EYS: variants seen among roughly 807,000 people sequenced by gnomAD.
EYS encodes EGF-like photoreceptor maintenance factor, also known as protein eyes shut homolog.
In EYS, 250 loss-of-function variants were observed where a neutral mutation model predicts 282.1. The observed-to-expected ratio is 0.89, with a 90% confidence interval of 0.80 to 0.98. EYS has a LOEUF of 0.98. Ranked by LOEUF, EYS falls within the 50% of genes least tolerant of loss-of-function variation. The probability of loss-of-function intolerance (pLI) is 0.00; values close to 1 mark genes in which losing one functional copy is unlikely to be tolerated. For synonymous variants in EYS, 1,355 were observed against 1,282.9 expected, an observed-to-expected ratio of 1.06 and a Z score of -1.20; for missense variants, 4,016 against 3,709.0, an observed-to-expected ratio of 1.08 and a Z score of -2.15.
intron 35 of EYS, among the ~76,000 whole-genome samples, chr6:63,934,241 C>A (rs1245751514): frequency 6.6e-6 from 1 of 152,154 alleles, no homozygotes; most frequent in Non-Finnish European, 1.5e-5. Context: ...ATTAAAAAAT[C>A]AGGAAACAAC....
chr6:64,612,695 A>C (rs1362960062), intron 24 of EYS, among the ~76,000 whole-genome samples: 1 of 152,076 alleles, frequency 6.6e-6, no homozygotes, highest in Non-Finnish European at 1.5e-5. Context: ...AAAGAAAAAA[A>C]CAGCTTCCCA....
intron 23 of EYS, among the ~76,000 whole-genome samples, chr6:64,621,237 T>A (rs1767438118): frequency 6.6e-6 from 1 of 152,196 alleles, no homozygotes; most frequent in Admixed American, 6.6e-5. Context: ...TTCTATAACA[T>A]AAGTTATAAT....
At chr6:64,364,141 A>T (rs1304752093) in intron 29 of EYS, among the ~76,000 whole-genome samples, 1 of 151,768 alleles carries the variant, frequency 6.6e-6, no homozygotes, top group Non-Finnish European at 1.5e-5. Context: ...TCCTTTACCA[A>T]ATTTCTGGCC....
At chr6:65,226,655 C>A (rs1766633660) in intron 12 of EYS, among the ~76,000 whole-genome samples, 1 of 152,088 alleles carries the variant, frequency 6.6e-6, no homozygotes, top group South Asian at 2.1e-4. Context: ...AACATTATGA[C>A]CTTCATATAT....
intron 12 of EYS, among the ~76,000 whole-genome samples, chr6:65,081,006 C>T (rs1410290487): frequency 2.0e-5 from 3 of 152,052 alleles, no homozygotes; most frequent in Non-Finnish European, 2.9e-5. Flanking sequence ...TAGAAATGCT[C>T]TTACTCAAAC....
intron 12 of EYS, among the ~76,000 whole-genome samples, chr6:65,065,834 A>G (rs1773728576): frequency 6.6e-6 from 1 of 152,174 alleles, no homozygotes; most frequent in Non-Finnish European, 1.5e-5. Flanking sequence ...AATGTGTCAC[A>G]TGTATTTGTT....
chr6:65,046,486 C>T (rs954110793), intron 13 of EYS, among the ~76,000 whole-genome samples: 56 of 151,506 alleles, frequency 3.7e-4, no homozygotes, highest in Non-Finnish European at 6.9e-4. Context: ...TTTTTTCTTC[C>T]AACTTGAGGA....
At chr6:64,569,026 G>GAA (rs4034162) in intron 26 of EYS, among the ~76,000 whole-genome samples, 51,927 of 101,982 alleles carry the variant, frequency 0.51, 12,863 homozygotes, top group Admixed American at 0.58. Flanking sequence ...AGATGGAAAA[G>GAA]AAAAAAAAAA....
At chr6:64,473,385 T>C (rs1288997666) in intron 26 of EYS, among the ~76,000 whole-genome samples, 1 of 152,158 alleles carries the variant, frequency 6.6e-6, no homozygotes, top group East Asian at 1.9e-4. Context: ...GTAAATACTT[T>C]AACATGAATA....
intron 12 of EYS, among the ~76,000 whole-genome samples, chr6:65,261,505 C>T (rs1767619599): frequency 6.6e-6 from 1 of 151,978 alleles, no homozygotes. Context: ...CAATAGTAAA[C>T]TCAATTATGG....
intron 2 of EYS, among the ~76,000 whole-genome samples, chr6:65,566,827 C>A (rs1769297768): frequency 6.6e-6 from 1 of 151,986 alleles, no homozygotes; most frequent in Admixed American, 6.6e-5. Flanking sequence ...AAATCATATC[C>A]AAAGAGTTAG....
chr6:64,322,484 C>T (rs553300777), intron 29 of EYS, among the ~76,000 whole-genome samples: 1 of 152,054 alleles, frequency 6.6e-6, no homozygotes, highest in South Asian at 2.1e-4. Flanking sequence ...CTATAGGGAA[C>T]TACCACGGAA....
At chr6:63,952,198 A>G (rs1765625728) in intron 35 of EYS, among the ~76,000 whole-genome samples, 1 of 152,218 alleles carries the variant, frequency 6.6e-6, no homozygotes, top group African/African-American at 2.4e-5. Flanking sequence ...AAATCTGGCC[A>G]CTGGGCCAAG....
chr6:64,608,574 C>T (rs1027683615), intron 24 of EYS, among the ~76,000 whole-genome samples: 5 of 152,000 alleles, frequency 3.3e-5, no homozygotes, highest in African/African-American at 7.2e-5. Context: ...GTATAGCAAA[C>T]GAATTGAAAA....
At chr6:63,880,102 C>T (rs1773086858) in intron 35 of EYS, among the ~76,000 whole-genome samples, 1 of 152,072 alleles carries the variant, frequency 6.6e-6, no homozygotes, top group Non-Finnish European at 1.5e-5. Context: ...TACTGAGGGT[C>T]AACTTGATTG....
intron 22 of EYS, among the ~76,000 whole-genome samples, chr6:64,666,718 G>A (rs547049643): frequency 1.1e-4 from 17 of 151,986 alleles, no homozygotes; most frequent in Non-Finnish European, 2.4e-4. Context: ...ATTTTCAGTG[G>A]CCACTTAGTT....
chr6:65,026,234 A>T (rs191109253), intron 13 of EYS, among the ~76,000 whole-genome samples: 1 of 152,220 alleles, frequency 6.6e-6, no homozygotes, highest in Non-Finnish European at 1.5e-5. Flanking sequence ...GGTTATTATT[A>T]GGCAAACATA....
chr6:64,520,606 T>A (rs536304357), intron 26 of EYS, among the ~76,000 whole-genome samples: 2 of 151,866 alleles, frequency 1.3e-5, no homozygotes, highest in East Asian at 3.9e-4. Context: ...AACATTTTTA[T>A]GACTTGAGAA....
intron 12 of EYS, among the ~76,000 whole-genome samples, chr6:65,115,985 C>G (rs1266165099): frequency 6.6e-6 from 1 of 150,420 alleles, no homozygotes; most frequent in African/African-American, 2.5e-5. Context: ...ATCTATCTAT[C>G]TATCTATCTA....
Sources: allele counts gnomAD v4.1 joint callset (sites outside exome capture counted in the v4.1 genomes callset), GRCh38; gene constraint gnomAD v4.1.1; transcripts MANE v1.5; gene names NCBI Gene and HGNC (gene_info 2026-07-23, HGNC 2026-07-21).